NALF1: variants seen among roughly 807,000 people sequenced by gnomAD.
NALF1 encodes the protein family with sequence similarity 155 member A.
Under a neutral mutation model 48.4 loss-of-function variants are expected in NALF1, and 3 were observed. The ratio of observed to expected loss-of-function variants is 0.06; its 90% CI spans 0.03 to 0.16. The LOEUF is 0.16. Among genes scored for constraint, NALF1 ranks in the 10% least tolerant of loss-of-function variants. NALF1 has a pLI of 1.00. For synonymous variants in NALF1, 262 were observed against 245.7 expected (o/e 1.07, Z -0.62); for missense variants, 526 against 571.5 (o/e 0.92, Z 0.81).
rs1880690441 is a variant in NALF1 at position 107,865,595 on chromosome 13, AAAT to A, written c.915+84_915+86del. The A allele has an allele frequency of 1.5e-5, 22 of 1,510,662 alleles. No individual in the cohort carries two copies. In the South Asian group the frequency reaches 1.5e-4, roughly 10 times the overall value. 93.6% of individuals were successfully genotyped at this position (1,510,662 alleles called of 1,614,324 possible). On this transcript the variant is annotated intron_variant, in intron 1 of 2. Coordinates refer to ENST00000375915, the MANE Select transcript of NALF1 (RefSeq NM_001080396.3). ...ACAAAGTAACAAAACCATAGCCAAA[AAAT>A]AATAATAATAAACTTGAGAAGACAC...
intron 1 of NALF1, among the ~76,000 whole-genome samples, chr13:107,397,165 C>T (rs894093533): frequency 2.0e-5 from 3 of 152,166 alleles, no homozygotes; most frequent in Admixed American, 6.5e-5. Flanking sequence ...AGGACTATTC[C>T]TGAAGTTGCC....
At chr13:107,174,607 G>T (rs1878878889) in intron 2 of NALF1, among the ~76,000 whole-genome samples, 1 of 152,070 alleles carries the variant, frequency 6.6e-6, no homozygotes, top group South Asian at 2.1e-4. Context: ...CACCCGCCTC[G>T]GCCTCCCAGA....
intron 1 of NALF1, among the ~76,000 whole-genome samples, chr13:107,761,625 A>G (rs1877267606): frequency 6.6e-6 from 1 of 152,198 alleles, no homozygotes. Flanking sequence ...GGTAATTCCA[A>G]TTAGGCATTG....
chr13:107,649,270 T>C (rs1475131417), intron 1 of NALF1, among the ~76,000 whole-genome samples: 1 of 152,220 alleles, frequency 6.6e-6, no homozygotes, highest in Non-Finnish European at 1.5e-5. Flanking sequence ...TATGCAGATA[T>C]GCAGATTCTC....
At chr13:107,478,616 TACTC>T (rs1885208409) in intron 1 of NALF1, among the ~76,000 whole-genome samples, 1 of 151,994 alleles carries the variant, frequency 6.6e-6, no homozygotes, top group South Asian at 2.1e-4. Context: ...ACATAGAACT[TACTC>T]AATGTCACCT....
Position 107,340,444 on chromosome 13 carries a change from CTCTTTCTT to C in NALF1, c.916-129697_916-129690del, listed in dbSNP as rs200120384. On this transcript the variant is annotated intron_variant, in intron 1 of 2. Coordinates refer to ENST00000375915, the MANE Select transcript of NALF1 (RefSeq NM_001080396.3). Reference sequence around the variant, plus strand: ...ACATGAGTTACGGCGCCTGACCTTTCTCTTTCTTTCTTTCTTTCTTTCTTCTCTCTTTC... The same window carrying C: ...ACATGAGTTACGGCGCCTGACCTTTCTCTTTCTTTCTTTCTTCTCTCTTTC... 1.0e-4 allele frequency among the ~76,000 whole-genome samples: 14 copies of C among 134,344 alleles called. 1 individual carries two copies. Among genetic ancestry groups the C allele is most frequent in the Admixed American group, 8.8e-4 (11 of 12,528 alleles). The allele number at this position is 134,344 out of a possible 152,430, so 88.1% of individuals were successfully genotyped here.
At chr13:107,602,674 C>T (rs2138425775) in intron 1 of NALF1, among the ~76,000 whole-genome samples, 1 of 152,230 alleles carries the variant, frequency 6.6e-6, no homozygotes, top group Admixed American at 6.5e-5. Context: ...AAAAATTTAA[C>T]ACTTAGTTTG....
intron 1 of NALF1, among the ~76,000 whole-genome samples, chr13:107,710,868 TATATATACAC>T (rs1169227952): frequency 9.3e-5 from 14 of 150,950 alleles, no homozygotes; most frequent in African/African-American, 3.4e-4. Context: ...TGTGTATATG[TATATATACAC>T]ATATATACAC....
chr13:107,717,976 T>G (rs1031456265), intron 1 of NALF1, among the ~76,000 whole-genome samples: 1 of 152,208 alleles, frequency 6.6e-6, no homozygotes, highest in Non-Finnish European at 1.5e-5. Context: ...CACTCTCAAT[T>G]AGACCCAGCC....
intron 1 of NALF1, among the ~76,000 whole-genome samples, chr13:107,667,122 C>T (rs964958049): frequency 2.6e-5 from 4 of 152,018 alleles, no homozygotes; most frequent in African/African-American, 9.7e-5. Flanking sequence ...AATTCTCCTT[C>T]CACCTAATTT....
At chr13:107,709,347 G>A (rs1875499804) in intron 1 of NALF1, among the ~76,000 whole-genome samples, 1 of 152,218 alleles carries the variant, frequency 6.6e-6, no homozygotes, top group African/African-American at 2.4e-5. Flanking sequence ...ATGCGTGTCA[G>A]CACGGTCTGA....
intron 1 of NALF1, among the ~76,000 whole-genome samples, chr13:107,418,148 T>G (rs1352492387): frequency 1.3e-5 from 2 of 152,156 alleles, no homozygotes; most frequent in Non-Finnish European, 2.9e-5. Context: ...TCTCTACGAG[T>G]TTGGCCCAGT....
intron 1 of NALF1, among the ~76,000 whole-genome samples, chr13:107,677,882 A>C (rs1881172036): frequency 6.6e-6 from 1 of 152,230 alleles, no homozygotes; most frequent in Admixed American, 6.5e-5. Flanking sequence ...GGTTGAAGGA[A>C]GCTTGAGTTG....
rs540207247 is a variant in NALF1, at chr13:107,746,714, T to C, written c.915+118968A>G. Among the ~76,000 whole-genome samples, 239 of 152,336 alleles carry C rather than the reference T, an allele frequency of 1.6e-3. 1 individual carries two copies. The highest frequency in any genetic ancestry group is 5.6e-3 in the African/African-American group (233 of 41,580). ...AGGAACACTTGGTTTGATAACACTT[T>C]TAAAAGGGCCTTCAGCTGACTATAA... On this transcript the variant is annotated intron_variant, in intron 1 of 2. Coordinates refer to ENST00000375915, the MANE Select transcript of NALF1 (RefSeq NM_001080396.3).
At chr13:107,795,563 T>G (rs1377592742) in intron 1 of NALF1, among the ~76,000 whole-genome samples, 1 of 152,160 alleles carries the variant, frequency 6.6e-6, no homozygotes, top group Non-Finnish European at 1.5e-5. Context: ...GCTACTCTCT[T>G]CAAATCAGCT....
intron 1 of NALF1, among the ~76,000 whole-genome samples, chr13:107,790,764 G>A (rs942237887): frequency 3.9e-5 from 6 of 152,104 alleles, no homozygotes; most frequent in African/African-American, 1.4e-4. Context: ...TGGATTTGGG[G>A]AAAAAATGCA....
chr13:107,363,933 G>A (rs537279159), intron 1 of NALF1, among the ~76,000 whole-genome samples: 8 of 152,300 alleles, frequency 5.3e-5, no homozygotes, highest in East Asian at 3.9e-4. Context: ...TACTGAGAAC[G>A]TGTAGTTGAG....
chr13:107,410,767 CG>C (rs1419391483), intron 1 of NALF1, among the ~76,000 whole-genome samples: 1 of 152,074 alleles, frequency 6.6e-6, no homozygotes, highest in Non-Finnish European at 1.5e-5. Flanking sequence ...AAATTATAAA[CG>C]TTGGGGGCCA....
chr13:107,271,061 T>C (rs1449525064), intron 1 of NALF1, among the ~76,000 whole-genome samples: 1 of 152,210 alleles, frequency 6.6e-6, no homozygotes, highest in East Asian at 1.9e-4. Flanking sequence ...CCGTCTCAGA[T>C]TTCTTATGTA....
Sources: gnomAD v4.1 joint callset for allele counts (sites outside exome capture counted in the v4.1 genomes callset) on GRCh38, gnomAD v4.1.1 for gene constraint, MANE v1.5 for transcripts, NCBI Gene and HGNC (gene_info 2026-07-23, HGNC 2026-07-21) for gene names.